RIDA: variants seen among roughly 807,000 people sequenced by gnomAD.
The protein encoded by RIDA is 2-iminobutanoate/2-iminopropanoate deaminase.
RIDA carries 17 observed loss-of-function variants against 17.8 expected under a neutral mutation model. That is an observed-to-expected ratio of 0.96 (90% CI 0.65 to 1.43). The LOEUF (loss-of-function observed/expected upper bound fraction) is 1.43. RIDA is among the 40% of genes most tolerant of loss of function. RIDA has a pLI of 0.00. For synonymous variants in RIDA, 48 were observed against 55.7 expected (o/e 0.86, Z 0.62); for missense variants, 158 against 161.7 (o/e 0.98, Z 0.12).
intron 1 of RIDA, among the ~76,000 whole-genome samples, chr8:98,110,524 T>C (rs1408379051): frequency 2.0e-5 from 3 of 152,150 alleles, no homozygotes; most frequent in Non-Finnish European, 4.4e-5. Context: ...CTTCCCAAAG[T>C]GCTGGGATTA....
At chr8:98,104,773 C>T (rs1345600601) in intron 4 of RIDA, among the ~76,000 whole-genome samples, 5 of 152,064 alleles carry the variant, frequency 3.3e-5, no homozygotes, top group South Asian at 2.1e-4. Flanking sequence ...TGAAGTGATG[C>T]GATCTCAGCT....
intron 2 of RIDA, 136 bp downstream of exon 2, chr8:98,108,510 A>T: frequency 1.6e-6 from 1 of 615,668 alleles, no homozygotes; most frequent in Non-Finnish European, 2.9e-6. Flanking sequence ...AAACTATGTT[A>T]AATCAAGCAG....
intron 5 of RIDA, among the ~76,000 whole-genome samples, chr8:98,104,082 CTT>C (rs539041035): frequency 1.6e-4 from 20 of 127,936 alleles, no homozygotes; most frequent in Non-Finnish European, 1.3e-4. Flanking sequence ...TATTTCTTTT[CTT>C]TTTTTTTTTT....
chr8:98,111,799 T>C (rs1815730918), intron 1 of RIDA, among the ~76,000 whole-genome samples: 1 of 152,102 alleles, frequency 6.6e-6, no homozygotes, highest in Admixed American at 6.5e-5. Flanking sequence ...CTTTATAATT[T>C]ATTTTTGAAT....
At chr8:98,114,388 C>T (rs1161681073) in intron 1 of RIDA, among the ~76,000 whole-genome samples, 2 of 149,956 alleles carry the variant, frequency 1.3e-5, no homozygotes, top group Admixed American at 6.7e-5. Flanking sequence ...TGCAGTGGTG[C>T]GATCTTGGCT....
chr8:98,108,285 A>T (rs987941087), intron 2 of RIDA, among the ~76,000 whole-genome samples: 2 of 150,734 alleles, frequency 1.3e-5, no homozygotes, highest in Non-Finnish European at 3.0e-5. Context: ...AAAAATGTTG[A>T]CTTTTTACTT....
At chr8:98,104,911 A>G (rs1379407028) in intron 4 of RIDA, among the ~76,000 whole-genome samples, 1 of 151,950 alleles carries the variant, frequency 6.6e-6, no homozygotes, top group Non-Finnish European at 1.5e-5. Flanking sequence ...GGGCTTCACC[A>G]TGTTGGCCAG....
At chr8:98,113,332 C>T (rs1815755711) in intron 1 of RIDA, among the ~76,000 whole-genome samples, 1 of 152,122 alleles carries the variant, frequency 6.6e-6, no homozygotes, top group Non-Finnish European at 1.5e-5. Flanking sequence ...CTGGAGAGGA[C>T]CCAGGATTTT....
intron 2 of RIDA, among the ~76,000 whole-genome samples, chr8:98,107,218 T>C (rs1458587417): frequency 6.6e-6 from 1 of 152,222 alleles, no homozygotes; most frequent in Non-Finnish European, 1.5e-5. Flanking sequence ...AGTGGATATT[T>C]AGGTTTTTAA....
intron 1 of RIDA, among the ~76,000 whole-genome samples, chr8:98,115,801 A>C (rs1351675394): frequency 1.3e-5 from 2 of 152,194 alleles, no homozygotes; most frequent in African/African-American, 2.4e-5. Flanking sequence ...ATTTTTTACT[A>C]TTACTTTCTA....
In RIDA at chr8:98,111,304, T is replaced by C. The variant is rs368802902; in HGVS notation, c.66-2553A>G. Reference sequence around the variant, plus strand: ...GTTGAAGAAAGAAGACTTAATGTAATTTTAATTTAGAAGTGAAATGTGGCA... The same window carrying C: ...GTTGAAGAAAGAAGACTTAATGTAACTTTAATTTAGAAGTGAAATGTGGCA... On this transcript the variant is annotated intron_variant, in intron 1 of 5. Transcript: ENST00000254878. Among the ~76,000 whole-genome samples the C allele has an allele frequency of 7.2e-4, 109 of 152,330 alleles. 2 individuals carry two copies. In the South Asian group the frequency reaches 0.022, roughly 30 times the overall value.
At chr8:98,114,825 AG>A (rs1815779393) in intron 1 of RIDA, among the ~76,000 whole-genome samples, 1 of 152,174 alleles carries the variant, frequency 6.6e-6, no homozygotes, top group Non-Finnish European at 1.5e-5. Context: ...TATTTCTCAA[AG>A]GAGTCAGTCA....
At position 98,104,557 on chromosome 8, in the gene RIDA, G is replaced by T; in HGVS notation, c.296-13C>A. 6.6e-7 allele frequency: 1 copy of T among 1,523,460 alleles called. No individual in the cohort carries two copies. Among genetic ancestry groups the T allele is most frequent in the Non-Finnish European group, 9.1e-7 (1 of 1,104,550 alleles). 94.4% of individuals were successfully genotyped at this position (1,523,460 alleles called of 1,614,324 possible). A position where few individuals can be genotyped will look rare whatever the true frequency, so the allele number is the denominator to read the frequency against. ...TTACTCTTGAAATCTGAATTTAAAA[G>T]AATTTCATTTTTTTAATAGAGAAGA... is the stretch of plus-strand genomic sequence containing the variant. On this transcript the variant is annotated splice_polypyrimidine_tract_variant and intron_variant, in intron 4 of 5. Transcript: ENST00000254878.
At chr8:98,111,133 T>G (rs1815720805) in intron 1 of RIDA, among the ~76,000 whole-genome samples, 1 of 152,120 alleles carries the variant, frequency 6.6e-6, no homozygotes, top group Non-Finnish European at 1.5e-5. Context: ...TTTTCTGTTA[T>G]GAGGATGCTA....
chr8:98,111,512 A>G (rs1815726158), intron 1 of RIDA, among the ~76,000 whole-genome samples: 1 of 152,008 alleles, frequency 6.6e-6, no homozygotes, highest in Admixed American at 6.6e-5. Flanking sequence ...AGGCTGAGGC[A>G]TGAGAATCAC....
At chr8:98,107,435 A>G (rs537957680) in intron 2 of RIDA, among the ~76,000 whole-genome samples, 12 of 152,196 alleles carry the variant, frequency 7.9e-5, no homozygotes, top group African/African-American at 2.9e-4. Flanking sequence ...GAGGCAAGAG[A>G]ATTGCTTGAA....
intron 2 of RIDA, among the ~76,000 whole-genome samples, 187 bp downstream of exon 2, chr8:98,108,459 A>G (rs1037118349): frequency 1.6e-4 from 24 of 152,246 alleles, no homozygotes; most frequent in Non-Finnish European, 2.8e-4. Context: ...TTTGGTTGTT[A>G]GATGATTCAT....
Position 98,102,698 on chromosome 8 carries a change from C to T in RIDA, c.*144G>A, listed in dbSNP as rs1010374806. The stretch of plus-strand genomic sequence containing the variant: ...TATTCATGTTCAACTCTCCCTATTA[C>T]ATGGTATTTCCATAATAGCTTCAGA... On this transcript the variant is annotated 3_prime_UTR_variant, in exon 6 of 6. Coordinates refer to ENST00000254878, the MANE Select transcript of RIDA (RefSeq NM_005836.3). 5.2e-6 allele frequency: 3 copies of T among 580,468 alleles called. No homozygotes were observed. Among genetic ancestry groups the T allele is most frequent in the South Asian group, 5.7e-5 (2 of 35,312 alleles). 36.0% of individuals were successfully genotyped at this position (580,468 alleles called of 1,614,324 possible). A position where few individuals can be genotyped will look rare whatever the true frequency, so the allele number is the denominator to read the frequency against.
Position 98,102,922 on chromosome 8 carries a change from G to C in RIDA, c.352-18C>G. 1.9e-6 allele frequency: 3 copies of C among 1,598,786 alleles called. No individual in the cohort carries two copies. The highest frequency in any genetic ancestry group is 2.2e-5 in the South Asian group (2 of 90,400). On this transcript the variant is annotated intron_variant, in intron 5 of 5. Transcript: ENST00000254878. ...CGGCTGCCCTGTGAGGAAAATGAAA[G>C]AATTTGTTGTAATCATTTTGTACAA...
Sources: gnomAD v4.1 joint callset for allele counts (sites outside exome capture counted in the v4.1 genomes callset) on GRCh38, gnomAD v4.1.1 for gene constraint, MANE v1.5 for transcripts, NCBI Gene and HGNC (gene_info 2026-07-23, HGNC 2026-07-21) for gene names.